The following DOCK9 variants were observed in gnomAD, a reference collection of about 807,000 sequenced individuals.
DOCK9 encodes the protein dedicator of cytokinesis 9, also known as dedicator of cytokinesis protein 9.
DOCK9 carries 89 observed loss-of-function variants against 263.3 expected under a neutral mutation model. That is an observed-to-expected ratio of 0.34 (90% CI 0.28 to 0.40). The LOEUF is 0.40. Among genes scored for constraint, DOCK9 ranks in the 10% least tolerant of loss-of-function variants. The probability of loss-of-function intolerance (pLI) is 1.00; values close to 1 mark genes in which losing one functional copy is unlikely to be tolerated. For missense variants in DOCK9, 2,140 were observed against 2,603.4 expected (o/e 0.82, Z 3.87); for synonymous variants, 976 against 973.1 (o/e 1.00, Z -0.06).
intron 1 of DOCK9, among the ~76,000 whole-genome samples, chr13:99,035,703 T>C (rs146969397): frequency 5.9e-5 from 9 of 152,354 alleles, no homozygotes; most frequent in African/African-American, 1.9e-4. Flanking sequence ...TTATAAGGCA[T>C]TGTTTTTTGA....
At chr13:98,965,642 T>C (rs1008202990) in intron 1 of DOCK9, among the ~76,000 whole-genome samples, 2 of 152,182 alleles carry the variant, frequency 1.3e-5, no homozygotes, top group African/African-American at 4.8e-5. Flanking sequence ...TGCACTTTCA[T>C]TGACAATGTG....
intron 35 of DOCK9, among the ~76,000 whole-genome samples, chr13:98,851,911 A>C (rs2093584322): frequency 6.6e-6 from 1 of 152,196 alleles, no homozygotes; most frequent in African/African-American, 2.4e-5. Flanking sequence ...TCTAATTATA[A>C]AGGGAAAACA....
At chr13:99,004,010 C>T (rs1400157790) in intron 1 of DOCK9, among the ~76,000 whole-genome samples, 1 of 152,100 alleles carries the variant, frequency 6.6e-6, no homozygotes, top group African/African-American at 2.4e-5. Context: ...CCTGATAAGC[C>T]CCCTCCAGCA....
At chr13:98,879,103 CA>C (rs2044325882) in intron 27 of DOCK9, among the ~76,000 whole-genome samples, 1 of 152,194 alleles carries the variant, frequency 6.6e-6, no homozygotes, top group Admixed American at 6.5e-5. Context: ...CTGGAAACTT[CA>C]AAATGAGAAA....
At chr13:99,076,681 G>A (rs561940082) in intron 1 of DOCK9, among the ~76,000 whole-genome samples, 7 of 152,222 alleles carry the variant, frequency 4.6e-5, no homozygotes, top group African/African-American at 1.7e-4. Context: ...AGAAATTAGA[G>A]GTAATAGGAA....
intron 1 of DOCK9, chr13:99,015,656 C>T: frequency 6.5e-7 from 1 of 1,534,444 alleles, no homozygotes; most frequent in Non-Finnish European, 8.7e-7. Flanking sequence ...ACTCCATTTC[C>T]ACATCCTCTT....
At chr13:99,073,360 TTCTC>T (rs1490238973) in intron 1 of DOCK9, among the ~76,000 whole-genome samples, 1 of 141,300 alleles carries the variant, frequency 7.1e-6, no homozygotes, top group Admixed American at 7.2e-5. Flanking sequence ...TCTTCTTCTT[TTCTC>T]TCTCTCCTCT....
chr13:98,825,426 G>A lies in DOCK9; in HGVS notation c.5024-922C>T, dbSNP rs1432571881. Among the ~76,000 whole-genome samples the A allele has an allele frequency of 1.3e-5, 2 of 152,138 alleles. No individual in the cohort carries two copies. Among genetic ancestry groups the A allele is most frequent in the Admixed American group, 6.5e-5 (1 of 15,280 alleles). ...TATTCTGAAATCAAGCCTTGAAAACGGAGATCCTGAAGTCAGAGATTTTTC... is the reference window on the plus strand; with the variant it reads ...TATTCTGAAATCAAGCCTTGAAAACAGAGATCCTGAAGTCAGAGATTTTTC... On this transcript the variant is annotated intron_variant, in intron 44 of 52. Transcript: ENST00000682017. The surrounding 1 kb of genome is among the most constrained non-coding windows in gnomAD (Gnocchi z 4.1).
At chr13:99,043,412 C>T (rs976719198) in intron 1 of DOCK9, among the ~76,000 whole-genome samples, 3 of 152,174 alleles carry the variant, frequency 2.0e-5, no homozygotes, top group African/African-American at 7.2e-5. Context: ...GGCACCCCTG[C>T]CCCAGCCCAG....
chr13:98,882,149 C>T (rs1346573212), intron 23 of DOCK9, 142 bp from the exon 24 acceptor site: 4 of 702,746 alleles, frequency 5.7e-6, no homozygotes, highest in African/African-American at 3.5e-5. Context: ...TCCCCAGAGG[C>T]GTCTGTGTCT....
chr13:98,907,137 G>T (rs563302173), intron 9 of DOCK9, among the ~76,000 whole-genome samples: 1 of 152,174 alleles, frequency 6.6e-6, no homozygotes, highest in African/African-American at 2.4e-5. Context: ...GTGAGAACAC[G>T]TGCAAGTGGA....
rs567874271 is a variant in DOCK9, at chr13:98,810,164, C to G, written c.5253+5G>C. 4.3e-6 allele frequency: 7 copies of G among 1,613,916 alleles called. No individual in the cohort carries two copies. The East Asian group carries it at 1.6e-4, about 36-fold the overall frequency. ...TAGGAAAAAAACAAAAAGGCACTCT[C>G]ATACCTCAAAATCCCTCCGCTTCTC... is the stretch of plus-strand genomic sequence containing the variant. On this transcript the variant is annotated splice_donor_5th_base_variant and intron_variant, in intron 46 of 52. Transcript: ENST00000682017.
chr13:98,837,718 C>A (rs2093058370), intron 38 of DOCK9, 109 bp from the exon 39 acceptor site: 1 of 288,816 alleles, frequency 3.5e-6, no homozygotes, highest in Non-Finnish European at 5.8e-6. Flanking sequence ...CACTTTGGGA[C>A]CTTGTCTCTG....
rs1451463861 is a variant in DOCK9 at position 98,868,427 on chromosome 13, T to C, written c.2944-50A>G. 1.9e-6 allele frequency: 3 copies of C among 1,540,826 alleles called. No individual in the cohort carries two copies. The Admixed American group carries it at 6.1e-5, about 31-fold the overall frequency. ...TTATTATTTATTAAGTTGCAATCAT[T>C]TGGGAGGAAAAAATATCTCATCCCT... On this transcript the variant is annotated intron_variant, in intron 27 of 52. Coordinates refer to ENST00000682017, the MANE Select transcript of DOCK9 (RefSeq NM_001366683.2).
chr13:98,887,143 A>ATATATATATATATATATAT (rs1470080750), intron 18 of DOCK9, among the ~76,000 whole-genome samples: 20 of 95,250 alleles, frequency 2.1e-4, no homozygotes, highest in Non-Finnish European at 3.8e-4. Flanking sequence ...ATATATATAT[A>ATATATATATATATATATAT]TTTTTTTTTT....
intron 2 of DOCK9, among the ~76,000 whole-genome samples, chr13:98,949,360 G>A (rs1372741835): frequency 6.6e-6 from 1 of 152,144 alleles, no homozygotes; most frequent in African/African-American, 2.4e-5. Flanking sequence ...CCCTGGGCTT[G>A]GTCCACTGTT....
At chr13:99,003,885 A>G (rs532298204) in intron 1 of DOCK9, among the ~76,000 whole-genome samples, 1 of 152,296 alleles carries the variant, frequency 6.6e-6, no homozygotes, top group Admixed American at 6.5e-5. Flanking sequence ...AACCTTCACT[A>G]AATGGCTTCC....
intron 1 of DOCK9, among the ~76,000 whole-genome samples, chr13:99,063,665 C>A (rs984029449): frequency 2.0e-5 from 3 of 152,098 alleles, no homozygotes; most frequent in Non-Finnish European, 4.4e-5. Context: ...CACTGGGGAC[C>A]AATACTTTTA....
intron 1 of DOCK9, among the ~76,000 whole-genome samples, chr13:99,058,875 G>A (rs967937047): frequency 1.6e-4 from 25 of 152,130 alleles, no homozygotes; most frequent in African/African-American, 5.6e-4. Context: ...CTTCACTGGT[G>A]AATCCAGTGC....
Sources: allele counts gnomAD v4.1 joint callset (sites outside exome capture counted in the v4.1 genomes callset), GRCh38; gene constraint gnomAD v4.1.1; non-coding constraint Gnocchi (gnomAD v3.1); transcripts MANE v1.5; gene names NCBI Gene and HGNC (gene_info 2026-07-23, HGNC 2026-07-21).